KCNT2: variants seen among roughly 807,000 people sequenced by gnomAD.
The protein encoded by KCNT2 is potassium sodium-activated channel subfamily T member 2.
A neutral mutation model predicts 153.8 loss-of-function variants in KCNT2; 67 were observed. The ratio of observed to expected loss-of-function variants is 0.44; its 90% confidence interval spans 0.36 to 0.53. KCNT2 has a LOEUF of 0.53. Among genes scored for constraint, KCNT2 ranks in the 20% least tolerant of loss-of-function variants. KCNT2 has a pLI of 0.00. For synonymous variants in KCNT2, 500 were observed against 458.8 expected, an observed-to-expected ratio of 1.09 and a Z score of -1.15; for missense variants, 975 against 1,354.8, an observed-to-expected ratio of 0.72 and a Z score of 4.40.
chr1:196,444,806 A>T (rs1331935711), intron 8 of KCNT2, among the ~76,000 whole-genome samples: 1 of 151,382 alleles, frequency 6.6e-6, no homozygotes, highest in African/African-American at 2.4e-5. Flanking sequence ...TCATCAGTAA[A>T]TCAATATCTA....
chr1:196,361,208 C>T (rs895776675), intron 14 of KCNT2, among the ~76,000 whole-genome samples: 1 of 151,870 alleles, frequency 6.6e-6, no homozygotes, highest in Non-Finnish European at 1.5e-5. Flanking sequence ...ACACCAGACA[C>T]ACACACACAC....
intron 14 of KCNT2, among the ~76,000 whole-genome samples, chr1:196,349,822 G>A (rs1314439680): frequency 6.6e-6 from 1 of 151,644 alleles, no homozygotes; most frequent in Admixed American, 6.6e-5. Context: ...TCGTCATTTA[G>A]CATTAGGTAT....
intron 2 of KCNT2, 49 bp from the exon 3 acceptor site, chr1:196,489,986 A>G (rs776608057): frequency 1.5e-5 from 12 of 799,910 alleles, no homozygotes; most frequent in Admixed American, 2.8e-5. Flanking sequence ...TTAGTTCACA[A>G]AAGACTAAAA....
chr1:196,466,885 T>C (rs961363350), intron 7 of KCNT2, among the ~76,000 whole-genome samples: 1 of 151,984 alleles, frequency 6.6e-6, no homozygotes. Flanking sequence ...TTATAAACCA[T>C]GCCACCAAGC....
intron 3 of KCNT2, among the ~76,000 whole-genome samples, chr1:196,489,055 A>T (rs1378724620): frequency 1.3e-5 from 2 of 151,948 alleles, no homozygotes; most frequent in African/African-American, 4.8e-5. Context: ...AAGTCAAAAA[A>T]GTGTGGGTTG....
chr1:196,316,447 T>C (rs1156428972), intron 20 of KCNT2, among the ~76,000 whole-genome samples: 2 of 151,780 alleles, frequency 1.3e-5, no homozygotes, highest in South Asian at 2.1e-4. Flanking sequence ...AAATAAGTGC[T>C]ATGTTAATTT....
At chr1:196,258,101 A>T in intron 26 of KCNT2, 93 bp downstream of exon 26, 7 of 1,489,336 alleles carry the variant, frequency 4.7e-6, no homozygotes, top group Non-Finnish European at 6.2e-6. Context: ...GTGAAGCAAA[A>T]ATTCAATTCT....
chr1:196,246,493 G>C (rs1317221575), intron 26 of KCNT2, among the ~76,000 whole-genome samples: 1 of 152,020 alleles, frequency 6.6e-6, no homozygotes, highest in African/African-American at 2.4e-5. Flanking sequence ...ATAGTGGTGG[G>C]TAAATTACTT....
chr1:196,366,624 G>A (rs1007589573), intron 14 of KCNT2, among the ~76,000 whole-genome samples: 3 of 152,084 alleles, frequency 2.0e-5, no homozygotes, highest in Non-Finnish European at 2.9e-5. Flanking sequence ...GTCATACAAT[G>A]ACTGTATCAT....
chr1:196,500,625 C>T (rs1680624448), intron 1 of KCNT2, among the ~76,000 whole-genome samples: 1 of 152,140 alleles, frequency 6.6e-6, no homozygotes, highest in South Asian at 2.1e-4. Flanking sequence ...TATCCATTTC[C>T]AAATATTCAT....
At chr1:196,317,236 A>T in intron 20 of KCNT2, 1 of 453,012 alleles carries the variant, frequency 2.2e-6, no homozygotes, top group South Asian at 1.6e-5. Flanking sequence ...TGAATCAGGA[A>T]CAATGGTCTG....
intron 1 of KCNT2, among the ~76,000 whole-genome samples, chr1:196,499,572 G>C (rs1329772005): frequency 1.3e-5 from 2 of 152,172 alleles, no homozygotes; most frequent in Admixed American, 6.5e-5. Context: ...TGGTAGGAGA[G>C]ATAAAATCAT....
intron 18 of KCNT2, among the ~76,000 whole-genome samples, chr1:196,329,950 C>T (rs866101791): frequency 4.1e-5 from 3 of 73,536 alleles, no homozygotes; most frequent in Admixed American, 1.5e-4. Flanking sequence ...TTCCTCAAGA[C>T]ATATATATAT....
chr1:196,331,939 A>C (rs1664506767), intron 17 of KCNT2, among the ~76,000 whole-genome samples: 1 of 152,172 alleles, frequency 6.6e-6, no homozygotes, highest in African/African-American at 2.4e-5. Context: ...TTTAAAAAAC[A>C]GCCAACAGCA....
chr1:196,489,816 A>C, intron 3 of KCNT2, 22 bp downstream of exon 3: 1 of 1,168,688 alleles, frequency 8.6e-7, no homozygotes, highest in East Asian at 2.4e-5. Flanking sequence ...ATATTGTTGA[A>C]GGTCAGAAAA....
intron 13 of KCNT2, among the ~76,000 whole-genome samples, chr1:196,390,917 A>C (rs1247802391): frequency 4.8e-5 from 7 of 145,106 alleles, no homozygotes; most frequent in African/African-American, 1.3e-4. Flanking sequence ...TTAAAAAAAA[A>C]CATATGTTAG....
chr1:196,334,000 G>T lies in KCNT2; in HGVS notation c.1844C>A (p.Ser615Tyr). The T allele has an allele frequency of 6.2e-7, 1 of 1,613,444 alleles. No homozygotes were observed. The highest frequency in any genetic ancestry group is 8.5e-7 in the Non-Finnish European group (1 of 1,179,710). ...TTCTTTGCTTCCCTCTGTAGGAAGAGACAGGGTAGGGCCACTTGCTGATCT... is the reference window on the plus strand; with the variant it reads ...TTCTTTGCTTCCCTCTGTAGGAAGATACAGGGTAGGGCCACTTGCTGATCT... ...SCRSASGPTL[S>Y]LPTEGSKEIR... The change falls in exon 17 of 28, where the codon TCT becomes TAT. Residue 615 changes from serine (S) to tyrosine (Y), a missense_variant. Coordinates refer to ENST00000294725, the MANE Select transcript of KCNT2 (RefSeq NM_198503.5).
At position 196,280,968 on chromosome 1, in the gene KCNT2, G is replaced by A. The variant is rs759501537; in HGVS notation, c.2802C>T (p.Asp934=). 2 of 1,610,838 alleles carry A rather than the reference G, an allele frequency of 1.2e-6. No individual in the cohort carries two copies. The highest frequency in any genetic ancestry group is 1.7e-6 in the Non-Finnish European group (2 of 1,177,448). The change falls in exon 25 of 28, where the codon GAC becomes GAT. Residue 934 remains aspartate (D), a synonymous_variant. Coordinates refer to ENST00000294725, the MANE Select transcript of KCNT2 (RefSeq NM_198503.5). ...GTCTGGCATAAGTTCTGATCCATAA[G>A]TCATCTGCAGTGATTTTCATCTATA... is the stretch of plus-strand genomic sequence containing the variant. ...FLCSMKITAD[D]LWIRTYARLY... is the part of the protein sequence containing the mutation.
intron 24 of KCNT2, 51 bp from the exon 25 acceptor site, chr1:196,281,039 C>T: frequency 7.2e-7 from 1 of 1,390,348 alleles, no homozygotes; most frequent in Non-Finnish European, 1.0e-6. Context: ...AAATAAAAAC[C>T]TAGTGGTAAC....
Sources: gnomAD v4.1 joint callset for allele counts (sites outside exome capture counted in the v4.1 genomes callset) on GRCh38, gnomAD v4.1.1 for gene constraint, MANE v1.5 for transcripts, NCBI Gene and HGNC (gene_info 2026-07-23, HGNC 2026-07-21) for gene names.